RDX: variants seen among roughly 807,000 people sequenced by gnomAD.
RDX encodes the protein deafness, autosomal recessive 24.
In RDX, 32 loss-of-function variants were observed where a neutral mutation model predicts 83.7. The ratio of observed to expected loss-of-function variants is 0.38; its 90% CI spans 0.29 to 0.51. The LOEUF is 0.51. Among genes scored for constraint, RDX ranks in the 20% least tolerant of loss-of-function variants. The pLI, the probability that RDX is intolerant of heterozygous loss-of-function variation, is 0.87. For synonymous variants in RDX, 229 were observed against 222.7 expected, an observed-to-expected ratio of 1.03 and a Z score of -0.25; for missense variants, 600 against 689.9, an observed-to-expected ratio of 0.87 and a Z score of 1.46.
chr11:110,245,321 C>T (rs1287034368), intron 10 of RDX, among the ~76,000 whole-genome samples: 2 of 152,128 alleles, frequency 1.3e-5, no homozygotes, highest in African/African-American at 4.8e-5. Context: ...AATCCCAGCA[C>T]TTTGGGAGGC....
chr11:110,265,752 G>A (rs1174281471), intron 3 of RDX, among the ~76,000 whole-genome samples: 1 of 151,834 alleles, frequency 6.6e-6, no homozygotes, highest in Non-Finnish European at 1.5e-5. Flanking sequence ...ATGACTTATT[G>A]AACAATTTAT....
chr11:110,205,431 CAAAAAAAAAAAA>C (rs35103862), intron 14 of RDX, among the ~76,000 whole-genome samples: 1 of 47,068 alleles, frequency 2.1e-5, no homozygotes, highest in Non-Finnish European at 4.1e-5. Context: ...TTTACCTATC[CAAAAAAAAAAAA>C]AAAAAAAAAC....
At chr11:110,205,164 T>C (rs1283093077) in intron 14 of RDX, among the ~76,000 whole-genome samples, 3 of 152,012 alleles carry the variant, frequency 2.0e-5, no homozygotes, top group African/African-American at 7.2e-5. Context: ...AAATAAAGTA[T>C]CAAGACAACT....
At chr11:110,198,608 C>T (rs548754299) in intron 15 of RDX, among the ~76,000 whole-genome samples, 4 of 152,248 alleles carry the variant, frequency 2.6e-5, no homozygotes, top group Admixed American at 1.3e-4. Flanking sequence ...GAGGGTTCCA[C>T]GTTGCACGCT....
At chr11:110,245,196 C>T (rs1213056689) in intron 10 of RDX, among the ~76,000 whole-genome samples, 3 of 152,154 alleles carry the variant, frequency 2.0e-5, no homozygotes, top group South Asian at 4.2e-4. Context: ...AAGTGATCTG[C>T]CCGCCTCAGC....
chr11:110,250,076 T>C (rs1859264311), intron 9 of RDX, among the ~76,000 whole-genome samples: 3 of 152,180 alleles, frequency 2.0e-5, no homozygotes, highest in Admixed American at 6.5e-5. Flanking sequence ...TTATAAAGCA[T>C]ATACAGGCAG....
intron 10 of RDX, among the ~76,000 whole-genome samples, chr11:110,245,515 C>A (rs1859070919): frequency 6.6e-6 from 1 of 151,924 alleles, no homozygotes; most frequent in Non-Finnish European, 1.5e-5. Flanking sequence ...AAATTAGGAT[C>A]CTAAGGAAAT....
intron 15 of RDX, among the ~76,000 whole-genome samples, chr11:110,188,670 C>T (rs1863036515): frequency 6.6e-6 from 1 of 152,100 alleles, no homozygotes; most frequent in South Asian, 2.1e-4. Context: ...CAGCAGAAAC[C>T]TTACAAGCCA....
chr11:110,283,765 G>A (rs895875214), intron 1 of RDX, among the ~76,000 whole-genome samples: 1 of 151,326 alleles, frequency 6.6e-6, no homozygotes, highest in Non-Finnish European at 1.5e-5. Context: ...AGTTTTGGAA[G>A]AATAACATAA....
Position 110,233,497 on chromosome 11 carries a change from GTT to G in RDX, c.1345-20_1345-19del. 1 of 1,613,384 alleles carries G rather than the reference GTT, an allele frequency of 6.2e-7. No individual in the cohort carries two copies. Among genetic ancestry groups the G allele is most frequent in the African/African-American group, 1.3e-5 (1 of 74,968 alleles). ...GCAAAAGCCTGAACATTAAAAATAC[GTT>G]TATGAGCAACTTACTTCAAAAATTA... On this transcript the variant is annotated intron_variant, in intron 12 of 13. Coordinates refer to ENST00000645495, the MANE Select transcript of RDX (RefSeq NM_002906.4).
chr11:110,260,410 T>C (rs978947100), intron 5 of RDX, among the ~76,000 whole-genome samples: 1 of 152,190 alleles, frequency 6.6e-6, no homozygotes, highest in African/African-American at 2.4e-5. Context: ...AGTATTCTTT[T>C]ACCTTGGCTT....
At chr11:110,284,779 T>C (rs1199981968) in intron 1 of RDX, among the ~76,000 whole-genome samples, 1 of 151,994 alleles carries the variant, frequency 6.6e-6, no homozygotes, top group Admixed American at 6.6e-5. Flanking sequence ...CGCCTCGGCC[T>C]CCCAAAGTTC....
downstream of RDX, among the ~76,000 whole-genome samples, chr11:110,228,173 A>C (rs556811125): frequency 1.3e-5 from 2 of 152,080 alleles, no homozygotes; most frequent in African/African-American, 2.4e-5. Flanking sequence ...TAAGGATAAG[A>C]ATGTGTTAAT....
chr11:110,288,555 A>G (rs936537514), intron 1 of RDX, among the ~76,000 whole-genome samples: 1 of 152,210 alleles, frequency 6.6e-6, no homozygotes, highest in African/African-American at 2.4e-5. Flanking sequence ...TCTACCCTTA[A>G]TGTGCTTTGA....
At chr11:110,208,668 T>TA (rs1465395039) in intron 14 of RDX, among the ~76,000 whole-genome samples, 8 of 152,208 alleles carry the variant, frequency 5.3e-5, no homozygotes, top group Middle Eastern at 3.4e-3. Flanking sequence ...TTTATTAATT[T>TA]AAAAAAATAG....
chr11:110,207,284 A>G (rs1448494381), intron 14 of RDX, among the ~76,000 whole-genome samples: 1 of 152,110 alleles, frequency 6.6e-6, no homozygotes, highest in East Asian at 1.9e-4. Flanking sequence ...ATAAATGCAC[A>G]TTCTTGAGCA....
chr11:110,219,843 G>C (rs554903359), intron 14 of RDX, among the ~76,000 whole-genome samples: 1 of 152,198 alleles, frequency 6.6e-6, no homozygotes, highest in East Asian at 1.9e-4. Flanking sequence ...TGAAGTTCAG[G>C]GGAGAATTTG....
intron 15 of RDX, among the ~76,000 whole-genome samples, chr11:110,194,383 C>T (rs934164503): frequency 3.3e-5 from 5 of 152,166 alleles, no homozygotes; most frequent in Non-Finnish European, 7.3e-5. Flanking sequence ...CCACACCCAG[C>T]TAATTTATGT....
rs1591501452 is a variant in RDX at position 110,192,390 on chromosome 11, G to A, written c.*31+7191C>T. The stretch of plus-strand genomic sequence containing the variant: ...TCACCATATACAAAAAGTGACTCAA[G>A]CTGGATTAAAGATTTAAATGTAAGA... On this transcript the variant is annotated intron_variant, in intron 15 of 15. Coordinates refer to the RDX transcript ENST00000528498. 2.0e-5 allele frequency among the ~76,000 whole-genome samples: 3 copies of A among 152,188 alleles called. 1 individual carries two copies. In the South Asian group the frequency reaches 6.2e-4, roughly 32 times the overall value.
Sources: allele counts gnomAD v4.1 joint callset (sites outside exome capture counted in the v4.1 genomes callset), GRCh38; gene constraint gnomAD v4.1.1; transcripts MANE v1.5; gene names NCBI Gene and HGNC (gene_info 2026-07-23, HGNC 2026-07-21).